The following ZNF280D variants were observed in gnomAD, a reference collection of about 807,000 sequenced individuals.
ZNF280D encodes suppressor of hairy wing homolog 4.
ZNF280D carries 39 observed loss-of-function variants against 94.7 expected under a neutral mutation model. The observed-to-expected ratio is 0.41, with a 90% CI of 0.32 to 0.54. ZNF280D has a LOEUF of 0.54. Among genes scored for constraint, ZNF280D ranks in the 20% least tolerant of loss-of-function variants. ZNF280D has a pLI of 0.22. For missense variants in ZNF280D, 1,090 were observed against 1,149.3 expected (o/e 0.95, Z 0.75); for synonymous variants, 398 against 377.6 (o/e 1.05, Z -0.63).
intron 14 of ZNF280D, among the ~76,000 whole-genome samples, chr15:56,667,687 A>G (rs1173750462): frequency 6.6e-6 from 1 of 152,190 alleles, no homozygotes. Flanking sequence ...GGAACAGTCA[A>G]TAAGGAAGTC....
intron 19 of ZNF280D, chr15:56,653,820 T>C (rs772662844): frequency 1.9e-5 from 24 of 1,256,848 alleles, no homozygotes; most frequent in Non-Finnish European, 2.3e-5. Context: ...ATGTTATTTT[T>C]AGACAGCGCA....
chr15:56,673,509 T>C (rs192584516), intron 13 of ZNF280D, among the ~76,000 whole-genome samples: 1 of 152,162 alleles, frequency 6.6e-6, no homozygotes, highest in Non-Finnish European at 1.5e-5. Context: ...TGGACTACTA[T>C]AAAAACTTTC....
intron 6 of ZNF280D, chr15:56,697,764 ATATT>A (rs572218036): frequency 4.7e-4 from 71 of 152,252 alleles, no homozygotes; most frequent in African/African-American, 1.3e-3. Context: ...ATATTTTATA[ATATT>A]TATTTATTCA....
chr15:56,665,380 T>G (rs1438582957), intron 16 of ZNF280D, among the ~76,000 whole-genome samples: 1 of 152,192 alleles, frequency 6.6e-6, no homozygotes, highest in East Asian at 1.9e-4. Context: ...TCTGAAGGAA[T>G]AAAGTATTCC....
In ZNF280D at chr15:56,669,904, TATATATATA is replaced by T. The variant is rs2054622427; in HGVS notation, c.1411-956_1411-948del. Among the ~76,000 whole-genome samples the T allele has an allele frequency of 1.1e-3, 4 of 3,742 alleles. 1 individual carries two copies. Among genetic ancestry groups the T allele is most frequent in the African/African-American group, 3.0e-3 (4 of 1,338 alleles). The allele number at this position is 3,742 out of a possible 152,430, so 2.5% of individuals were successfully genotyped here. On this transcript the variant is annotated intron_variant, in intron 13 of 21. Coordinates refer to ENST00000267807, the MANE Select transcript of ZNF280D (RefSeq NM_017661.4). ...ATATATATATTATATATATATATAATATATATATATTATATATATATTATATATATATTA... is the reference window on the plus strand; with the variant it reads ...ATATATATATTATATATATATATAATTTATATATATATTATATATATATTA...
At chr15:56,719,710 G>A (rs181627625) in intron 1 of ZNF280D, among the ~76,000 whole-genome samples, 1 of 151,798 alleles carries the variant, frequency 6.6e-6, no homozygotes, top group East Asian at 1.9e-4. Context: ...AGATATTGAG[G>A]GCTCTGTTCC....
chr15:56,646,308 TC>T (rs2052890019), intron 19 of ZNF280D, among the ~76,000 whole-genome samples: 1 of 151,876 alleles, frequency 6.6e-6, no homozygotes, highest in Non-Finnish European at 1.5e-5. Context: ...CATACCTGAG[TC>T]CCAGCTCAGT....
chr15:56,661,043 A>G (rs747589118), intron 16 of ZNF280D, among the ~76,000 whole-genome samples: 6 of 152,168 alleles, frequency 3.9e-5, no homozygotes, highest in Non-Finnish European at 7.3e-5. Context: ...AAATCAATGA[A>G]TACATATTCA....
chr15:56,700,907 G>A (rs1041708825), intron 6 of ZNF280D, 26 bp downstream of exon 6: 3 of 1,613,612 alleles, frequency 1.9e-6, no homozygotes, highest in Non-Finnish European at 2.5e-6. Flanking sequence ...TCCCTGAGCT[G>A]GCCGTATAGT....
At chr15:56,685,088 C>A (rs1265767349) in intron 9 of ZNF280D, among the ~76,000 whole-genome samples, 1 of 152,122 alleles carries the variant, frequency 6.6e-6, no homozygotes, top group Non-Finnish European at 1.5e-5. Flanking sequence ...GCTATACCAA[C>A]AAAATCCTGA....
chr15:56,640,897 A>G (rs1242588239), intron 20 of ZNF280D, among the ~76,000 whole-genome samples: 1 of 152,174 alleles, frequency 6.6e-6, no homozygotes, highest in Non-Finnish European at 1.5e-5. Context: ...GAATTTCTAT[A>G]GAATTTAAAT....
chr15:56,721,426 G>A (rs1367877757), intron 1 of ZNF280D, among the ~76,000 whole-genome samples: 2 of 152,194 alleles, frequency 1.3e-5, no homozygotes. Context: ...TTCTAGCTAT[G>A]AAAGTCCTAG....
At chr15:56,705,082 T>A (rs1462459239) in intron 3 of ZNF280D, among the ~76,000 whole-genome samples, 3 of 152,106 alleles carry the variant, frequency 2.0e-5, no homozygotes, top group Non-Finnish European at 4.4e-5. Context: ...GCAAAGTAGA[T>A]ATTTCTCACA....
chr15:56,666,622 G>A (rs988924281), intron 15 of ZNF280D, 57 bp downstream of exon 15: 4 of 1,514,490 alleles, frequency 2.6e-6, no homozygotes, highest in Admixed American at 2.3e-5. Flanking sequence ...CTTAACTAAA[G>A]TATAAGTTTT....
At chr15:56,720,286 T>C (rs1029301276) in intron 1 of ZNF280D, among the ~76,000 whole-genome samples, 1 of 152,178 alleles carries the variant, frequency 6.6e-6, no homozygotes, top group Admixed American at 6.5e-5. Context: ...TCAAAAAAAC[T>C]ACTCATCCAT....
At chr15:56,653,752 C>G (rs1248898195) in intron 19 of ZNF280D, 112 of 1,283,950 alleles carry the variant, frequency 8.7e-5, no homozygotes, top group Non-Finnish European at 1.0e-4. Context: ...ATTCTGAAGG[C>G]AAGTACAGCA....
chr15:56,686,414 C>G (rs1332528998), intron 9 of ZNF280D, among the ~76,000 whole-genome samples: 5 of 152,172 alleles, frequency 3.3e-5, no homozygotes, highest in Non-Finnish European at 7.4e-5. Flanking sequence ...GCTGGGATTA[C>G]AGGTGTGAGC....
chr15:56,699,399 A>T, intron 6 of ZNF280D: 2 of 894,776 alleles, frequency 2.2e-6, no homozygotes, highest in Non-Finnish European at 2.7e-6. Context: ...AAATATAAAT[A>T]AAAAATAATG....
intron 19 of ZNF280D, chr15:56,653,828 G>A (rs998687913): frequency 1.7e-4 from 206 of 1,243,910 alleles, no homozygotes; most frequent in Middle Eastern, 3.1e-4. Context: ...TTTAGACAGC[G>A]CAAACTGGAG....
Sources: allele counts gnomAD v4.1 joint callset (sites outside exome capture counted in the v4.1 genomes callset), GRCh38; gene constraint gnomAD v4.1.1; transcripts MANE v1.5; gene names NCBI Gene and HGNC (gene_info 2026-07-23, HGNC 2026-07-21).